The following SNRPN variants were observed in gnomAD, a reference collection of about 807,000 sequenced individuals.
The protein encoded by SNRPN is small nuclear ribonucleoprotein-associated protein N.
SNRPN carries 7 observed loss-of-function variants against 25.2 expected under a neutral mutation model. The ratio of observed to expected loss-of-function variants is 0.28; its 90% CI spans 0.16 to 0.52. The LOEUF (loss-of-function observed/expected upper bound fraction) is 0.52, where lower values mean the gene tolerates loss of function less well. Ranked by LOEUF, SNRPN falls within the 20% of genes least tolerant of loss-of-function variation. The pLI is 0.96. For synonymous variants in SNRPN, 124 were observed against 110.6 expected (o/e 1.12, Z -0.76); for missense variants, 196 against 322.5 (o/e 0.61, Z 3.00).
chr15:24,938,257 G>A (rs2061355473), intron 3 of SNRPN, among the ~76,000 whole-genome samples: 1 of 151,978 alleles, frequency 6.6e-6, no homozygotes, highest in East Asian at 1.9e-4. Context: ...CTCTCAAGTA[G>A]CTGGAATTAC....
chr15:24,855,861 G>T (rs1322427629), upstream of SNRPN, among the ~76,000 whole-genome samples: 2 of 150,494 alleles, frequency 1.3e-5, no homozygotes, highest in South Asian at 2.1e-4. Flanking sequence ...TGTAAATCCT[G>T]TGTTAAATTG....
chr15:24,890,149 ACT>A (rs2057555617), intron 2 of SNRPN, among the ~76,000 whole-genome samples: 1 of 151,344 alleles, frequency 6.6e-6, no homozygotes, highest in African/African-American at 2.4e-5. Context: ...CAGGAAGGCC[ACT>A]CTCTGATTTG....
chr15:24,919,983 C>CT (rs1004504102), intron 2 of SNRPN: 1 of 152,230 alleles, frequency 6.6e-6, no homozygotes, highest in African/African-American at 2.4e-5. Flanking sequence ...CCTGATATAT[C>CT]TTTTTTCTTT....
chr15:24,898,704 T>C (rs2058245933), intron 2 of SNRPN, among the ~76,000 whole-genome samples: 2 of 152,204 alleles, frequency 1.3e-5, no homozygotes, highest in African/African-American at 4.8e-5. Flanking sequence ...CAACTATCAA[T>C]TTAATCTGTC....
At chr15:24,939,631 C>G (rs1040612088) in intron 3 of SNRPN, among the ~76,000 whole-genome samples, 2 of 152,228 alleles carry the variant, frequency 1.3e-5, no homozygotes, top group Admixed American at 6.5e-5. Flanking sequence ...CGGGGTTTCA[C>G]CGTGTTAACC....
intron 2 of SNRPN, among the ~76,000 whole-genome samples, chr15:24,843,991 T>G (rs893653959): frequency 6.6e-6 from 1 of 150,918 alleles, no homozygotes; most frequent in Non-Finnish European, 1.5e-5. Flanking sequence ...AAAAAACGTA[T>G]GATTCACTTT....
chr15:24,977,544 A>G (rs1205729451), intron 7 of SNRPN, among the ~76,000 whole-genome samples: 1 of 152,114 alleles, frequency 6.6e-6, no homozygotes, highest in Non-Finnish European at 1.5e-5. Flanking sequence ...GCAGGGAGAC[A>G]GGAGAATCGC....
chr15:24,918,952 A>ATGTT (rs2059842835), intron 2 of SNRPN, among the ~76,000 whole-genome samples: 3 of 103,916 alleles, frequency 2.9e-5, no homozygotes, highest in Non-Finnish European at 3.8e-5. Context: ...TATATAACAT[A>ATGTT]ATATATATGC....
chr15:24,864,339 C>CTTTTTT (rs58622804), intron 1 of SNRPN, among the ~76,000 whole-genome samples: 6 of 117,244 alleles, frequency 5.1e-5, no homozygotes, highest in African/African-American at 1.3e-4. Flanking sequence ...CTCTTCTTTT[C>CTTTTTT]TTTTTTTTTT....
chr15:24,896,303 G>A (rs1595763201), intron 2 of SNRPN, among the ~76,000 whole-genome samples: 1 of 152,140 alleles, frequency 6.6e-6, no homozygotes, highest in African/African-American at 2.4e-5. Context: ...GGTGTGGGAA[G>A]AACCTGCCAA....
chr15:24,838,971 G>A (rs940361151), intron 2 of SNRPN, among the ~76,000 whole-genome samples: 1 of 151,984 alleles, frequency 6.6e-6, no homozygotes, highest in Admixed American at 6.6e-5. Context: ...CCAAGAACAT[G>A]CACTTTGAAG....
At chr15:24,857,473 C>A (rs1010955255) in intron 1 of SNRPN, among the ~76,000 whole-genome samples, 5 of 151,922 alleles carry the variant, frequency 3.3e-5, no homozygotes, top group African/African-American at 9.7e-5. Context: ...TCATCCATAT[C>A]CAGGTAGCAT....
At chr15:24,960,458 G>A (rs917611919) in intron 1 of SNRPN, among the ~76,000 whole-genome samples, 1 of 151,714 alleles carries the variant, frequency 6.6e-6, no homozygotes, top group African/African-American at 2.4e-5. Flanking sequence ...TCTCACCTTA[G>A]CCTCCTGAGT....
chr15:24,946,586 C>A (rs1182882304), intron 3 of SNRPN, among the ~76,000 whole-genome samples: 1 of 152,096 alleles, frequency 6.6e-6, no homozygotes, highest in African/African-American at 2.4e-5. Flanking sequence ...TTTCCTGTCC[C>A]AACTTCCTGA....
intron 2 of SNRPN, among the ~76,000 whole-genome samples, chr15:24,964,494 A>G (rs1206193693): frequency 1.3e-5 from 2 of 152,024 alleles, no homozygotes; most frequent in Non-Finnish European, 2.9e-5. Flanking sequence ...GGGTTTCTCC[A>G]TGTTGGTCAG....
intron 2 of SNRPN, among the ~76,000 whole-genome samples, chr15:24,918,810 A>T (rs1159856340): frequency 2.5e-5 from 3 of 117,764 alleles, no homozygotes; most frequent in African/African-American, 6.7e-5. Context: ...ATATATAACA[A>T]TATATATATG....
Position 24,941,166 on chromosome 15 carries a change from G to A in SNRPN, c.-390-20948G>A, listed in dbSNP as rs142585389. On this transcript the variant is annotated intron_variant, in intron 3 of 11. Transcript: ENST00000400097. ...TAATTTTTGTATTTTTAGTAGATAC[G>A]GGGTTTTAACATGTTGGCTAGGCTG... Among the ~76,000 whole-genome samples the A allele has an allele frequency of 1.9e-3, 289 of 152,160 alleles. 1 individual carries two copies. The highest frequency in any genetic ancestry group is 6.8e-3 in the African/African-American group (281 of 41,514).
At chr15:24,842,553 G>A (rs969165830) in intron 2 of SNRPN, among the ~76,000 whole-genome samples, 1 of 152,150 alleles carries the variant, frequency 6.6e-6, no homozygotes, top group African/African-American at 2.4e-5. Context: ...AGCCCACCCT[G>A]GGTTACATAT....
intron 7 of SNRPN, 128 bp from the exon 8 acceptor site, chr15:24,977,650 G>A: frequency 1.1e-6 from 1 of 919,402 alleles, no homozygotes; most frequent in Non-Finnish European, 1.5e-6. Context: ...AAAAAACATG[G>A]GAATAATGAG....
Sources: allele counts gnomAD v4.1 joint callset (sites outside exome capture counted in the v4.1 genomes callset), GRCh38; gene constraint gnomAD v4.1.1; transcripts MANE v1.5; gene names NCBI Gene and HGNC (gene_info 2026-07-23, HGNC 2026-07-21).